ATP8A2: variants seen among roughly 807,000 people sequenced by gnomAD.
ATP8A2 encodes the protein phospholipid-transporting ATPase IB.
In ATP8A2, 100 loss-of-function variants were observed where a neutral mutation model predicts 165.6. The observed-to-expected ratio is 0.60, with a 90% CI of 0.51 to 0.71. The LOEUF (loss-of-function observed/expected upper bound fraction) is 0.71. ATP8A2 is among the 30% of genes least tolerant of loss of function. The pLI is 0.00. For missense variants in ATP8A2, 1,227 were observed against 1,479.5 expected, an observed-to-expected ratio of 0.83 and a Z score of 2.80; for synonymous variants, 543 against 548.8, an observed-to-expected ratio of 0.99 and a Z score of 0.15.
chr13:25,520,476 G>T (rs184796437), intron 2 of ATP8A2, among the ~76,000 whole-genome samples: 1 of 152,152 alleles, frequency 6.6e-6, no homozygotes, highest in Non-Finnish European at 1.5e-5. Context: ...ATGCTGAATA[G>T]TGCTGCAATA....
intron 24 of ATP8A2, among the ~76,000 whole-genome samples, chr13:25,672,898 G>T (rs1438571920): frequency 6.6e-6 from 1 of 152,202 alleles, no homozygotes; most frequent in Non-Finnish European, 1.5e-5. Flanking sequence ...ATTACAGAGT[G>T]GGAGTGGGCA....
At chr13:25,900,090 C>T (rs991201463) in intron 33 of ATP8A2, among the ~76,000 whole-genome samples, 1 of 152,076 alleles carries the variant, frequency 6.6e-6, no homozygotes, top group South Asian at 2.1e-4. Flanking sequence ...AGGGTTATAG[C>T]CTGCAGGCTG....
Position 26,009,365 on chromosome 13 carries a change from C to A in ATP8A2, c.3378-3166C>A, listed in dbSNP as rs184763424. ...AAGGCAGCGTGGGAAAGAGCTCACT[C>A]CCTGGACACCCTCTCCATGCTTCAG... is the stretch of plus-strand genomic sequence containing the variant. On this transcript the variant is annotated intron_variant, in intron 35 of 36. Transcript: ENST00000381655. Among the ~76,000 whole-genome samples, 11 of 152,272 alleles carry A rather than the reference C, an allele frequency of 7.2e-5. No individual in the cohort carries two copies. In the East Asian group the frequency reaches 2.1e-3, roughly 29 times the overall value.
chr13:25,770,041 C>G (rs34657489), intron 26 of ATP8A2, among the ~76,000 whole-genome samples: 27,419 of 152,130 alleles, frequency 0.18, 2,582 homozygotes, highest in Middle Eastern at 0.22. Context: ...TGGAAGAGAT[C>G]TAACTTAACC....
At chr13:25,994,839 T>C (rs1473604201) in intron 35 of ATP8A2, among the ~76,000 whole-genome samples, 3 of 152,092 alleles carry the variant, frequency 2.0e-5, no homozygotes, top group South Asian at 2.1e-4. Context: ...CTTTCTTTTT[T>C]TGTAATGTCT....
chr13:25,938,755 A>G (rs887265504), intron 33 of ATP8A2, among the ~76,000 whole-genome samples: 1 of 152,164 alleles, frequency 6.6e-6, no homozygotes, highest in African/African-American at 2.4e-5. Context: ...GACAATTATT[A>G]AGGAAGTCGT....
chr13:25,914,765 A>AG (rs1188068562), intron 33 of ATP8A2, among the ~76,000 whole-genome samples: 13 of 152,320 alleles, frequency 8.5e-5, no homozygotes, highest in Non-Finnish European at 1.0e-4. Context: ...GTCTCCTTAG[A>AG]GGGGCTTCGC....
At chr13:25,881,538 T>C (rs1218138579) in intron 33 of ATP8A2, among the ~76,000 whole-genome samples, 3 of 152,018 alleles carry the variant, frequency 2.0e-5, no homozygotes, top group Non-Finnish European at 2.9e-5. Flanking sequence ...ATGTTCGTTA[T>C]GTATACAAAA....
chr13:25,600,477 G>A (rs1443387549), intron 24 of ATP8A2, among the ~76,000 whole-genome samples: 1 of 152,182 alleles, frequency 6.6e-6, no homozygotes, highest in East Asian at 1.9e-4. Context: ...TTTAAAATAG[G>A]AAATTAGGTG....
chr13:25,769,392 G>T (rs1172616296), intron 26 of ATP8A2, among the ~76,000 whole-genome samples, 163 bp downstream of exon 26: 1 of 152,178 alleles, frequency 6.6e-6, no homozygotes, highest in East Asian at 1.9e-4. Context: ...CTGTAGTTGT[G>T]ATCTTGTGCA....
chr13:25,452,992 G>T (rs1165993247), intron 1 of ATP8A2, among the ~76,000 whole-genome samples: 1 of 151,914 alleles, frequency 6.6e-6, no homozygotes, highest in Admixed American at 6.5e-5. Flanking sequence ...CTACTTGGGA[G>T]GCTGAGGCAG....
intron 27 of ATP8A2, among the ~76,000 whole-genome samples, chr13:25,779,283 A>G (rs888214698): frequency 2.0e-5 from 3 of 151,700 alleles, no homozygotes; most frequent in African/African-American, 7.2e-5. Flanking sequence ...ATTAAATGCT[A>G]TGTTTCATGG....
intron 24 of ATP8A2, among the ~76,000 whole-genome samples, chr13:25,635,200 A>G (rs1351675872): frequency 1.3e-5 from 2 of 152,184 alleles, no homozygotes; most frequent in African/African-American, 4.8e-5. Flanking sequence ...GAGACAATTC[A>G]TAAACACACT....
intron 27 of ATP8A2, among the ~76,000 whole-genome samples, chr13:25,804,083 C>T (rs537786656): frequency 1.8e-4 from 28 of 152,290 alleles, no homozygotes; most frequent in African/African-American, 6.7e-4. Flanking sequence ...ATTCCACTGG[C>T]GAAGTCACTA....
Position 25,488,827 on chromosome 13 carries a change from A to T in ATP8A2, c.221+19706A>T, listed in dbSNP as rs191536012. ...TGTACCACAGTAAGCACCACTTTTT[A>T]AAAAATAGGTATAAATGATTAAAGG... On this transcript the variant is annotated intron_variant, in intron 2 of 36. Transcript: ENST00000381655. 5.5e-3 allele frequency among the ~76,000 whole-genome samples: 833 copies of T among 151,864 alleles called. 8 individuals carry two copies. Among genetic ancestry groups the T allele is most frequent in the African/African-American group, 0.019 (794 of 41,426 alleles).
chr13:25,741,426 G>C (rs2138147028), intron 25 of ATP8A2, among the ~76,000 whole-genome samples: 1 of 152,308 alleles, frequency 6.6e-6, no homozygotes, highest in East Asian at 1.9e-4. Flanking sequence ...TGCTGCCCAG[G>C]CTGGAGTGCA....
intron 1 of ATP8A2, among the ~76,000 whole-genome samples, chr13:25,377,382 A>G (rs116457868): frequency 1.7e-4 from 26 of 152,330 alleles, no homozygotes; most frequent in African/African-American, 5.8e-4. Flanking sequence ...ATCATTATCA[A>G]GGGCAAACAC....
At chr13:25,922,241 T>G (rs554313889) in intron 33 of ATP8A2, among the ~76,000 whole-genome samples, 44 of 152,258 alleles carry the variant, frequency 2.9e-4, no homozygotes, top group African/African-American at 1.1e-3. Context: ...TTGTTAAGAG[T>G]TTTTCTTCTA....
At chr13:25,388,500 G>T (rs999349146) in intron 1 of ATP8A2, among the ~76,000 whole-genome samples, 1 of 152,196 alleles carries the variant, frequency 6.6e-6, no homozygotes, top group Non-Finnish European at 1.5e-5. Context: ...GACCGTGATC[G>T]ATTGAGCAAG....
Sources: allele counts gnomAD v4.1 joint callset (sites outside exome capture counted in the v4.1 genomes callset), GRCh38; gene constraint gnomAD v4.1.1; transcripts MANE v1.5; gene names NCBI Gene and HGNC (gene_info 2026-07-23, HGNC 2026-07-21).